The following GHR variants were observed in gnomAD, a reference collection of about 807,000 sequenced individuals.
The protein encoded by GHR is growth hormone receptor.
In GHR, 35 loss-of-function variants were observed where a neutral mutation model predicts 67.1. That is an observed-to-expected ratio of 0.52 (90% confidence interval 0.40 to 0.69). GHR has a LOEUF of 0.69. Among genes scored for constraint, GHR ranks in the 30% least tolerant of loss-of-function variants. GHR has a pLI of 0.00. For missense variants in GHR, 792 were observed against 764.6 expected, an observed-to-expected ratio of 1.04 and a Z score of -0.42; for synonymous variants, 272 against 269.1, an observed-to-expected ratio of 1.01 and a Z score of -0.10.
At chr5:42,494,170 CT>C (rs1746226752) in intron 1 of GHR, among the ~76,000 whole-genome samples, 1 of 152,042 alleles carries the variant, frequency 6.6e-6, no homozygotes, top group African/African-American at 2.4e-5. Flanking sequence ...GTAACAGAAA[CT>C]AAAGGGAACA....
intron 2 of GHR, among the ~76,000 whole-genome samples, chr5:42,608,674 C>T (rs116770201): frequency 6.6e-6 from 1 of 152,040 alleles, no homozygotes; most frequent in South Asian, 2.1e-4. Context: ...ATATTTTGAA[C>T]CCTCAAATTA....
At chr5:42,502,629 C>G (rs1746586457) in intron 1 of GHR, among the ~76,000 whole-genome samples, 1 of 151,936 alleles carries the variant, frequency 6.6e-6, no homozygotes, top group Admixed American at 6.6e-5. Flanking sequence ...CCTCATGAAG[C>G]ACTGTCATCT....
At chr5:42,480,397 T>C (rs1745567224) in intron 1 of GHR, among the ~76,000 whole-genome samples, 1 of 152,220 alleles carries the variant, frequency 6.6e-6, no homozygotes, top group Non-Finnish European at 1.5e-5. Flanking sequence ...TAGATGTCTA[T>C]TAGGTCCACT....
intron 2 of GHR, among the ~76,000 whole-genome samples, chr5:42,622,705 T>TA (rs1272141814): frequency 6.6e-6 from 1 of 152,196 alleles, no homozygotes; most frequent in Non-Finnish European, 1.5e-5. Context: ...GGGGTGTTTC[T>TA]AAATGCCATT....
chr5:42,640,985 A>T (rs77319034), intron 3 of GHR, among the ~76,000 whole-genome samples: 1 of 152,148 alleles, frequency 6.6e-6, no homozygotes, highest in African/African-American at 2.4e-5. Context: ...GTCCCATGGC[A>T]CCAAGACAGG....
chr5:42,560,756 A>G (rs1296385363), intron 1 of GHR, among the ~76,000 whole-genome samples: 1 of 152,028 alleles, frequency 6.6e-6, no homozygotes, highest in Non-Finnish European at 1.5e-5. Flanking sequence ...CTGCTAACCA[A>G]CTCAGATCCC....
At chr5:42,534,470 A>T (rs1397909772) in intron 1 of GHR, among the ~76,000 whole-genome samples, 10 of 141,206 alleles carry the variant, frequency 7.1e-5, no homozygotes, top group African/African-American at 1.7e-4. Flanking sequence ...ATATATGTAC[A>T]TATGTATATG....
At chr5:42,609,303 A>T (rs111647679) in intron 2 of GHR, among the ~76,000 whole-genome samples, 2 of 152,192 alleles carry the variant, frequency 1.3e-5, no homozygotes, top group East Asian at 3.9e-4. Context: ...GCTGAACCCA[A>T]TGAAGACCAA....
intron 2 of GHR, among the ~76,000 whole-genome samples, chr5:42,570,784 G>C (rs1290779748): frequency 6.6e-6 from 1 of 152,152 alleles, no homozygotes; most frequent in Non-Finnish European, 1.5e-5. Flanking sequence ...GATCCTCTTA[G>C]ATTATTAAAG....
intron 4 of GHR, among the ~76,000 whole-genome samples, chr5:42,694,538 T>A (rs984326665): frequency 6.6e-6 from 1 of 152,142 alleles, no homozygotes; most frequent in Admixed American, 6.5e-5. Context: ...TCTCTGGGAA[T>A]CTCTAGTTTG....
rs138639350 is a variant in GHR, at chr5:42,516,042, A to G, written c.-11-49822A>G. Reference sequence around the variant, plus strand: ...GAGGGGGCACAGAGAATGTAGTAACATAATAAGTTAGATTTTTGTTGTTTT... The same window carrying G: ...GAGGGGGCACAGAGAATGTAGTAACGTAATAAGTTAGATTTTTGTTGTTTT... On this transcript the variant is annotated intron_variant, in intron 1 of 9. Transcript: ENST00000230882. 1.4e-3 allele frequency among the ~76,000 whole-genome samples: 213 copies of G among 152,362 alleles called. 2 individuals carry two copies. Among genetic ancestry groups the G allele is most frequent in the African/African-American group, 4.8e-3 (198 of 41,582 alleles).
chr5:42,424,466 G>T lies in GHR; in HGVS notation c.-12+511G>T. On this transcript the variant is annotated intron_variant, in intron 1 of 9. Transcript: ENST00000230882. This position sits in a 1 kb window ranked among gnomAD's most constrained non-coding sequence, Gnocchi z 4.1. ...GCAGCGCGACTGGAGAGACTGGGGA[G>T]GTCGAGCTGTGCGCGTGGACACAGC... The T allele has an allele frequency of 1.3e-6, 1 of 773,658 alleles. No individual in the cohort carries two copies. The highest frequency in any genetic ancestry group is 1.5e-5 in the South Asian group (1 of 65,846). The allele number at this position is 773,658 out of a possible 1,614,324, so 47.9% of individuals were successfully genotyped here.
intron 1 of GHR, among the ~76,000 whole-genome samples, chr5:42,486,111 C>T (rs570972541): frequency 1.3e-5 from 2 of 152,296 alleles, no homozygotes; most frequent in South Asian, 2.1e-4. Context: ...CTAACAAGCT[C>T]CCAGGTGATG....
At chr5:42,514,201 C>T (rs959190664) in intron 1 of GHR, 19 of 985,098 alleles carry the variant, frequency 1.9e-5, no homozygotes, top group Non-Finnish European at 2.3e-5. Context: ...TGACTACCTA[C>T]AAGTGCCTTC....
chr5:42,566,891 C>T (rs36026890), intron 2 of GHR, among the ~76,000 whole-genome samples: 3,326 of 152,008 alleles, frequency 0.022, 66 homozygotes, highest in Non-Finnish European at 0.031. Flanking sequence ...AAAATAAATC[C>T]GTAGTAGTGA....
At chr5:42,546,940 T>C (rs1019705812) in intron 1 of GHR, among the ~76,000 whole-genome samples, 6 of 152,140 alleles carry the variant, frequency 3.9e-5, no homozygotes, top group Admixed American at 3.9e-4. Flanking sequence ...AGATAACTCC[T>C]AGGTTTCTGA....
intron 2 of GHR, among the ~76,000 whole-genome samples, chr5:42,624,579 G>T (rs1277256090): frequency 6.6e-6 from 1 of 152,182 alleles, no homozygotes; most frequent in African/African-American, 2.4e-5. Flanking sequence ...TTGGAGATAA[G>T]TATACATCCA....
intron 1 of GHR, among the ~76,000 whole-genome samples, chr5:42,479,161 G>T (rs1406763896): frequency 2.0e-5 from 3 of 152,060 alleles, no homozygotes; most frequent in Non-Finnish European, 2.9e-5. Flanking sequence ...TTTTGTCTTT[G>T]GTTCTGTTTA....
chr5:42,424,635 T>G lies in GHR; in HGVS notation c.-12+680T>G, dbSNP rs1264370167. The G allele has an allele frequency of 3.9e-6, 6 of 1,521,540 alleles. No homozygotes were observed. In the Admixed American group the frequency reaches 5.9e-5, roughly 15 times the overall value. 94.3% of individuals were successfully genotyped at this position (1,521,540 alleles called of 1,614,324 possible). A position where few individuals can be genotyped will look rare whatever the true frequency, so the allele number is the denominator to read the frequency against. On this transcript the variant is annotated intron_variant, in intron 1 of 9. Coordinates refer to ENST00000230882, the MANE Select transcript of GHR (RefSeq NM_000163.5). The surrounding 1 kb of genome is among the most constrained non-coding windows in gnomAD (Gnocchi z 4.1). The stretch of plus-strand genomic sequence containing the variant: ...TTGTGGCGAGCCGACCTCCCCCAGC[T>G]TTTGACACACTAGTGGTTGTAAAAT...
Sources: allele counts gnomAD v4.1 joint callset (sites outside exome capture counted in the v4.1 genomes callset), GRCh38; gene constraint gnomAD v4.1.1; non-coding constraint Gnocchi (gnomAD v3.1); transcripts MANE v1.5; gene names NCBI Gene and HGNC (gene_info 2026-07-23, HGNC 2026-07-21).